The following EBF4 variants were observed in gnomAD, a reference collection of about 807,000 sequenced individuals.
EBF4 encodes transcription factor COE4.
Under a neutral mutation model 67.1 loss-of-function variants are expected in EBF4, and 34 were observed. The observed-to-expected ratio is 0.51, with a 90% CI of 0.39 to 0.67. The LOEUF (loss-of-function observed/expected upper bound fraction) is 0.67. Ranked by LOEUF, EBF4 falls within the 30% of genes least tolerant of loss-of-function variation. The probability of loss-of-function intolerance (pLI) is 0.00; values close to 1 mark genes in which losing one functional copy is unlikely to be tolerated. For synonymous variants in EBF4, 387 were observed against 377.7 expected (o/e 1.02, Z -0.29); for missense variants, 837 against 873.3 (o/e 0.96, Z 0.52).
chr20:2,721,871 T>C (rs1260116057), intron 6 of EBF4, among the ~76,000 whole-genome samples: 1 of 152,202 alleles, frequency 6.6e-6, no homozygotes, highest in Non-Finnish European at 1.5e-5. Flanking sequence ...GACTGATTAT[T>C]CTCTTCCTTA....
rs575719294 is a variant in EBF4 at position 2,759,014 on chromosome 20, C to T, written c.*5+30C>T. ...GTCTCTGGCTGGGTCTGGCCTCCCC[C>T]GCCCCACCTGGCCCTGAGATGTGCT... is the stretch of plus-strand genomic sequence containing the variant. On this transcript the variant is annotated intron_variant, in intron 16 of 16. Transcript: ENST00000609451. 29 of 1,539,816 alleles carry T rather than the reference C, an allele frequency of 1.9e-5. No individual in the cohort carries two copies. In the African/African-American group the frequency reaches 2.1e-4, roughly 11 times the overall value.
At position 2,757,088 on chromosome 20, in the gene EBF4, C is replaced by G. The variant is rs537878742; in HGVS notation, c.1738+1264C>G. On this transcript the variant is annotated intron_variant, in intron 15 of 16. Transcript: ENST00000609451. The stretch of plus-strand genomic sequence containing the variant: ...CCAGTGGCTTGGGCCCCAGAACCAT[C>G]TCCAAATCCAAGGCAGGGGCAGGTG... Among the ~76,000 whole-genome samples, 6 of 152,258 alleles carry G rather than the reference C, an allele frequency of 3.9e-5. No individual in the cohort carries two copies. In the East Asian group the frequency reaches 1.2e-3, roughly 29 times the overall value.
At chr20:2,735,961 T>C (rs1399945941) in intron 6 of EBF4, among the ~76,000 whole-genome samples, 1 of 152,230 alleles carries the variant, frequency 6.6e-6, no homozygotes, top group African/African-American at 2.4e-5. Context: ...CTTTCTGCAA[T>C]GATGAAAATA....
chr20:2,697,147 A>G (rs2087301315), intron 1 of EBF4, among the ~76,000 whole-genome samples: 1 of 152,172 alleles, frequency 6.6e-6, no homozygotes. Context: ...TTTTACAACA[A>G]TGCCAAGATT....
At chr20:2,699,530 G>A (rs992087093) in intron 1 of EBF4, among the ~76,000 whole-genome samples, 2 of 152,202 alleles carry the variant, frequency 1.3e-5, no homozygotes, top group Non-Finnish European at 2.9e-5. Flanking sequence ...TAGTACGGGG[G>A]CAAATGTCCC....
At chr20:2,748,579 C>T in exon 7 of EBF4, 1 of 1,551,606 alleles carries the variant, frequency 6.4e-7, no homozygotes, top group Non-Finnish European at 8.7e-7. Context: ...TCAAATGCAA[C>T]CAGAACTGCC....
At chr20:2,719,999 A>G (rs974105062) in intron 6 of EBF4, among the ~76,000 whole-genome samples, 6 of 152,174 alleles carry the variant, frequency 3.9e-5, no homozygotes, top group African/African-American at 1.4e-4. Flanking sequence ...ACTGACCATT[A>G]TTGTACATTT....
intron 6 of EBF4, among the ~76,000 whole-genome samples, chr20:2,724,410 C>G (rs187468528): frequency 6.6e-6 from 1 of 152,158 alleles, no homozygotes; most frequent in East Asian, 1.9e-4. Flanking sequence ...CATTTTGCAG[C>G]TTTTTGGAGG....
At chr20:2,708,099 C>A in intron 5 of EBF4, 79 bp downstream of exon 5, 1 of 1,425,594 alleles carries the variant, frequency 7.0e-7, no homozygotes, top group Non-Finnish European at 9.5e-7. Flanking sequence ...TGCCCCCTCG[C>A]CGCCCTTGCC....
At chr20:2,717,719 C>G (rs1158553195) in intron 6 of EBF4, among the ~76,000 whole-genome samples, 1 of 151,952 alleles carries the variant, frequency 6.6e-6, no homozygotes, top group Non-Finnish European at 1.5e-5. Context: ...TTTTATCTAT[C>G]CAGTCCTTAT....
In EBF4 at chr20:2,745,280, A is replaced by G. The variant is rs190931321; in HGVS notation, c.558-3269A>G. Among the ~76,000 whole-genome samples, 165 of 152,242 alleles carry G rather than the reference A, an allele frequency of 1.1e-3. No homozygotes were observed. Among genetic ancestry groups the G allele is most frequent in the African/African-American group, 3.9e-3 (160 of 41,538 alleles). ...AGAAGCCTCGTGGACTACCAGCTGG[A>G]AGGGAGTGAGGTTTCAGCCACACCA... On this transcript the variant is annotated intron_variant, in intron 6 of 16. Transcript: ENST00000609451. The surrounding 1 kb of genome is among the most constrained non-coding windows in gnomAD (Gnocchi z 5.2).
chr20:2,754,283 C>T (rs1039925869), intron 14 of EBF4, among the ~76,000 whole-genome samples: 2 of 152,142 alleles, frequency 1.3e-5, no homozygotes, highest in Non-Finnish European at 2.9e-5. Context: ...CCTGGAGTGA[C>T]ATCAGAACTG....
Position 2,739,317 on chromosome 20 carries a change from G to T in EBF4, c.558-9232G>T, listed in dbSNP as rs938307791. Among the ~76,000 whole-genome samples, 4 of 151,568 alleles carry T rather than the reference G, an allele frequency of 2.6e-5. No homozygotes were observed. ...ACTGATCGAGTGAGCCGTCTGCCCCGTGGTGGAGCTGTTAGTCCCTTTGCA... is the reference window on the plus strand; with the variant it reads ...ACTGATCGAGTGAGCCGTCTGCCCCTTGGTGGAGCTGTTAGTCCCTTTGCA... On this transcript the variant is annotated intron_variant, in intron 6 of 16. Coordinates refer to ENST00000609451, the Ensembl canonical transcript of EBF4. This position sits in a 1 kb window ranked among gnomAD's most constrained non-coding sequence, Gnocchi z 4.5.
At chr20:2,710,622 C>T (rs1380320688) in intron 6 of EBF4, among the ~76,000 whole-genome samples, 1 of 151,178 alleles carries the variant, frequency 6.6e-6, no homozygotes, top group Non-Finnish European at 1.5e-5. Flanking sequence ...TAAACCATAT[C>T]TTATTCTCCT....
At chr20:2,695,073 G>A (rs1385744396) in intron 1 of EBF4, among the ~76,000 whole-genome samples, 1 of 149,844 alleles carries the variant, frequency 6.7e-6, no homozygotes, top group East Asian at 1.9e-4. Flanking sequence ...GTGTTTTCCT[G>A]TGCTATGCTT....
intron 6 of EBF4, among the ~76,000 whole-genome samples, chr20:2,741,184 G>A (rs995673400): frequency 1.3e-5 from 2 of 152,072 alleles, no homozygotes; most frequent in African/African-American, 4.8e-5. Context: ...ATGGTAGTGT[G>A]ACCTGTAGTC....
intron 6 of EBF4, among the ~76,000 whole-genome samples, chr20:2,713,448 G>A (rs374570351): frequency 1.4e-4 from 22 of 152,256 alleles, no homozygotes; most frequent in Non-Finnish European, 2.4e-4. Context: ...ACTAGAGGGC[G>A]TGATATAGTT....
At chr20:2,698,331 C>G (rs545806178) in intron 1 of EBF4, among the ~76,000 whole-genome samples, 46 of 152,364 alleles carry the variant, frequency 3.0e-4, no homozygotes, top group African/African-American at 1.1e-3. Context: ...CTGCAGCCAC[C>G]AGGTCCTCCC....
chr20:2,723,932 A>G (rs2087717439), intron 6 of EBF4, among the ~76,000 whole-genome samples: 1 of 151,882 alleles, frequency 6.6e-6, no homozygotes, highest in Non-Finnish European at 1.5e-5. Flanking sequence ...TGTGTTTCTT[A>G]TCTCATTTTC....
Sources: gnomAD v4.1 joint callset for allele counts (sites outside exome capture counted in the v4.1 genomes callset) on GRCh38, gnomAD v4.1.1 for gene constraint, Gnocchi (gnomAD v3.1) non-coding constraint, MANE v1.5 for transcripts, NCBI Gene and HGNC (gene_info 2026-07-23, HGNC 2026-07-21) for gene names.